DST: variants seen among roughly 807,000 people sequenced by gnomAD.
DST encodes the protein dystonin, also known as bullous pemphigoid antigen.
Under a neutral mutation model 875.2 loss-of-function variants are expected in DST, and 253 were observed. That is an observed-to-expected ratio of 0.29 (90% CI 0.26 to 0.32). The LOEUF (loss-of-function observed/expected upper bound fraction) is 0.32, where lower values mean the gene tolerates loss of function less well. DST is among the 10% of genes least tolerant of loss of function. The pLI is 1.00. For missense variants in DST, 8,287 were observed against 9,111.6 expected, an observed-to-expected ratio of 0.91 and a Z score of 3.68; for synonymous variants, 3,124 against 3,197.1, an observed-to-expected ratio of 0.98 and a Z score of 0.77.
intron 29 of DST, 103 bp downstream of exon 29, chr6:56,631,780 G>T: frequency 1.6e-5 from 16 of 1,015,050 alleles, no homozygotes; most frequent in Non-Finnish European, 2.2e-5. Flanking sequence ...CACTAGACTG[G>T]CTAGTGTGAG....
chr6:56,695,126 CAAAAAAAAAAAA>C (rs34456344), intron 9 of DST, among the ~76,000 whole-genome samples: 1 of 70,056 alleles, frequency 1.4e-5, no homozygotes, highest in South Asian at 5.7e-4. Context: ...GACTCCCTCT[CAAAAAAAAAAAA>C]AAAAAAAAAG....
chr6:56,556,871 C>A (rs1167793473), intron 59 of DST, among the ~76,000 whole-genome samples: 1 of 152,182 alleles, frequency 6.6e-6, no homozygotes, highest in Non-Finnish European at 1.5e-5. Flanking sequence ...TTCTCTCTCT[C>A]CTCCATCAGG....
At chr6:56,865,352 A>G (rs1020040280) in intron 3 of DST, among the ~76,000 whole-genome samples, 1 of 151,656 alleles carries the variant, frequency 6.6e-6, no homozygotes, top group African/African-American at 2.4e-5. Flanking sequence ...TTGCTCTGTC[A>G]TCTAGGCTGA....
In DST at chr6:56,492,322, G is replaced by C. The variant is rs892215282; in HGVS notation, c.20662C>G (p.Leu6888Val). Residue 6888 changes from leucine to valine, a missense_variant, in exon 85 of 104, where the codon CTA becomes GTA. Coordinates refer to ENST00000680361, the MANE Select transcript of DST (RefSeq NM_001374736.1). Reference sequence around the variant, plus strand: ...CATCGACTTTGTACACTGATAAGTAGATTCTTGATTAGAACAACATCTTGT... The same window carrying C: ...CATCGACTTTGTACACTGATAAGTACATTCTTGATTAGAACAACATCTTGT... ...QKQDVVLIKN[L>V]LISVQSRWEK... The C allele has an allele frequency of 1.2e-6, 2 of 1,613,796 alleles. No individual in the cohort carries two copies. The highest frequency in any genetic ancestry group is 1.7e-6 in the Non-Finnish European group (2 of 1,179,798).
At position 56,644,676 on chromosome 6, in the gene DST, A is replaced by T. The variant is rs530573931; in HGVS notation, c.1778+1190T>A. 3.3e-5 allele frequency among the ~76,000 whole-genome samples: 5 copies of T among 152,368 alleles called. No individual in the cohort carries two copies. In the East Asian group the frequency reaches 9.6e-4, roughly 29 times the overall value. On this transcript the variant is annotated intron_variant, in intron 15 of 103. Transcript: ENST00000680361. ...CTAAGCAAGATATCTGAACTAGCCTAGGGAACCATGGAAAGTTTCTCGAGA... is the reference window on the plus strand; with the variant it reads ...CTAAGCAAGATATCTGAACTAGCCTTGGGAACCATGGAAAGTTTCTCGAGA...
At chr6:56,682,260 T>A (rs568909221) in intron 9 of DST, among the ~76,000 whole-genome samples, 1 of 152,102 alleles carries the variant, frequency 6.6e-6, no homozygotes, top group South Asian at 2.1e-4. Flanking sequence ...GCAGTGTTGA[T>A]CCCCCAGGCT....
chr6:56,842,688 G>A (rs1381737063), intron 4 of DST, among the ~76,000 whole-genome samples: 2 of 152,138 alleles, frequency 1.3e-5, no homozygotes, highest in Non-Finnish European at 2.9e-5. Context: ...TAGCCAAGCA[G>A]CAGCAGCAAT....
At chr6:56,491,635 A>G (rs933358343) in intron 85 of DST, among the ~76,000 whole-genome samples, 5 of 152,182 alleles carry the variant, frequency 3.3e-5, no homozygotes, top group African/African-American at 1.2e-4. Flanking sequence ...AGATTCAAAA[A>G]AATTAATTTC....
At chr6:56,661,784 C>A (rs2152813901) in intron 10 of DST, among the ~76,000 whole-genome samples, 1 of 152,262 alleles carries the variant, frequency 6.6e-6, no homozygotes, top group South Asian at 2.1e-4. Context: ...GCCGCCGTTT[C>A]TCCATGTTGG....
intron 56 of DST, 67 bp from the exon 57 acceptor site, chr6:56,561,616 A>G (rs1366550881): frequency 6.6e-7 from 1 of 1,504,238 alleles, no homozygotes; most frequent in East Asian, 2.3e-5. Context: ...TCTAGAAATA[A>G]AAGTTTGTTT....
intron 2 of DST, among the ~76,000 whole-genome samples, chr6:56,928,970 C>A (rs1808678981): frequency 6.6e-6 from 1 of 152,050 alleles, no homozygotes; most frequent in Admixed American, 6.5e-5. Context: ...TTCCATTTAT[C>A]CTTTAATAAA....
intron 2 of DST, among the ~76,000 whole-genome samples, chr6:56,938,230 C>A (rs895915604): frequency 6.6e-6 from 1 of 151,952 alleles, no homozygotes; most frequent in Non-Finnish European, 1.5e-5. Flanking sequence ...AACTCCTGGG[C>A]TCAAGTGATC....
intron 49 of DST, among the ~76,000 whole-genome samples, chr6:56,581,058 A>C: frequency 6.7e-6 from 1 of 149,936 alleles, no homozygotes; most frequent in South Asian, 2.1e-4. Context: ...TATTAAAAAA[A>C]AAAAAAAAAA....
chr6:56,936,947 C>A (rs1368212541), intron 2 of DST, among the ~76,000 whole-genome samples: 3 of 151,782 alleles, frequency 2.0e-5, no homozygotes, highest in Non-Finnish European at 2.9e-5. Context: ...AGAGAAAACA[C>A]CAGCTCCAAA....
In DST at chr6:56,489,525, G is replaced by A. The variant is rs1237354474; in HGVS notation, c.20842C>T (p.Pro6948Ser). 2 of 1,612,566 alleles carry A rather than the reference G, an allele frequency of 1.2e-6. No individual in the cohort carries two copies. The highest frequency in any genetic ancestry group is 2.2e-5 in the East Asian group (1 of 44,792). ...LDSELEIAND[P>S]DKIKTQLAQH... is the part of the protein sequence containing the mutation. Reference sequence around the variant, plus strand: ...GCAAGTTGTGTTTTTATTTTGTCTGGATCATTTGCGATTTCCAGTTCAGAA... The same window carrying A: ...GCAAGTTGTGTTTTTATTTTGTCTGAATCATTTGCGATTTCCAGTTCAGAA... The change falls in exon 86 of 104, where the codon CCA becomes TCA. Residue 6948 changes from proline (P) to serine (S), a missense_variant. By Grantham distance (74) the Pro-to-Ser change is moderately conservative. Coordinates refer to ENST00000680361, the MANE Select transcript of DST (RefSeq NM_001374736.1).
chr6:56,529,868 T>C (rs2096865112), intron 65 of DST, 94 bp from the exon 66 acceptor site: 1 of 1,466,856 alleles, frequency 6.8e-7, no homozygotes, highest in South Asian at 1.4e-5. Context: ...ACATGTTAAA[T>C]GGATTTAGTT....
intron 10 of DST, among the ~76,000 whole-genome samples, chr6:56,663,871 C>A (rs1031502423): frequency 2.6e-5 from 4 of 152,086 alleles, no homozygotes; most frequent in African/African-American, 7.2e-5. Flanking sequence ...ACAACCTATT[C>A]CCAAAATTTT....
rs149044331 is a variant in DST, at chr6:56,627,051, C to T, written c.4722+153G>A. Among the ~76,000 whole-genome samples the T allele has an allele frequency of 4.5e-3, 688 of 152,182 alleles. 1 individual carries two copies. The highest frequency in any genetic ancestry group is 0.016 in the African/African-American group (660 of 41,532). ...AATGAACTGGGGGGCTGTCATGTGACTAATTTCACAAAGAATTATTAGATA... is the reference window on the plus strand; with the variant it reads ...AATGAACTGGGGGGCTGTCATGTGATTAATTTCACAAAGAATTATTAGATA... On this transcript the variant is annotated intron_variant, in intron 34 of 103. Coordinates refer to ENST00000680361, the MANE Select transcript of DST (RefSeq NM_001374736.1).
In DST at chr6:56,603,035, G is replaced by GAA; in HGVS notation, c.11158-6_11158-5dup. 1 of 1,552,342 alleles carries GAA rather than the reference G, an allele frequency of 6.4e-7. No individual in the cohort carries two copies. The highest frequency in any genetic ancestry group is 8.7e-7 in the Non-Finnish European group (1 of 1,155,764). On this transcript the variant is annotated splice_polypyrimidine_tract_variant and splice_region_variant and intron_variant, in intron 42 of 103. Coordinates refer to ENST00000680361, the MANE Select transcript of DST (RefSeq NM_001374736.1). Reference sequence around the variant, plus strand: ...CATGGGAAACTGCTAGTTTAGACTAGAAAAAAAAATTGTGCATTCAGTTAT... The same window carrying GAA: ...CATGGGAAACTGCTAGTTTAGACTAGAAAAAAAAAAATTGTGCATTCAGTTAT...
Sources: allele counts gnomAD v4.1 joint callset (sites outside exome capture counted in the v4.1 genomes callset), GRCh38; gene constraint gnomAD v4.1.1; transcripts MANE v1.5; gene names NCBI Gene and HGNC (gene_info 2026-07-23, HGNC 2026-07-21).